Variants in ACVR2A observed in about 807,000 individuals in gnomAD.
ACVR2A encodes activin A receptor type 2A.
Under a neutral mutation model 61.4 loss-of-function variants are expected in ACVR2A, and 7 were observed. The ratio of observed to expected loss-of-function variants is 0.11; its 90% confidence interval spans 0.06 to 0.21. The LOEUF is 0.21. Among genes scored for constraint, ACVR2A ranks in the 10% least tolerant of loss-of-function variants. ACVR2A has a pLI of 1.00. For missense variants in ACVR2A, 322 were observed against 621.7 expected, an observed-to-expected ratio of 0.52 and a Z score of 5.13; for synonymous variants, 193 against 208.3, an observed-to-expected ratio of 0.93 and a Z score of 0.63.
At chr2:147,904,891 G>T (rs1449132252) in intron 4 of ACVR2A, among the ~76,000 whole-genome samples, 3 of 151,994 alleles carry the variant, frequency 2.0e-5, no homozygotes, top group African/African-American at 7.2e-5. Flanking sequence ...TATTTAATAT[G>T]CTAATAACAA....
intron 1 of ACVR2A, among the ~76,000 whole-genome samples, chr2:147,882,519 A>G (rs1341413908): frequency 1.3e-5 from 2 of 152,170 alleles, no homozygotes; most frequent in East Asian, 3.9e-4. Flanking sequence ...GGGCCACTGC[A>G]CTCCAGCCTG....
rs1001187743 is a variant in ACVR2A at position 147,929,690 on chromosome 2, A to G, written c.*2416A>G. 4 of 152,350 alleles carry G rather than the reference A, an allele frequency of 2.6e-5. No homozygotes were observed. Among genetic ancestry groups the G allele is most frequent in the African/African-American group, 9.7e-5 (4 of 41,362 alleles). 9.4% of individuals were successfully genotyped at this position (152,350 alleles called of 1,614,324 possible). On this transcript the variant is annotated 3_prime_UTR_variant, in exon 11 of 11. Transcript: ENST00000241416. Reference sequence around the variant, plus strand: ...TTAGTGTTTGGTTTACAGTCAGTGCAGAGTGGGCAAGTTAACAGAAAGTTT... The same window carrying G: ...TTAGTGTTTGGTTTACAGTCAGTGCGGAGTGGGCAAGTTAACAGAAAGTTT...
chr2:147,898,096 C>A (rs1159682098), intron 2 of ACVR2A: 1 of 152,180 alleles, frequency 6.6e-6, no homozygotes, highest in African/African-American at 2.4e-5. Context: ...GCCATTTTCA[C>A]TGGAGTCTGC....
chr2:147,845,299 A>T, intron 1 of ACVR2A, 92 bp downstream of exon 1: 1 of 1,129,652 alleles, frequency 8.9e-7, no homozygotes, highest in African/African-American at 1.7e-5. Context: ...CGGAGAGTCC[A>T]GTGGAGCCTG....
At chr2:147,913,173 CAT>C (rs564373071) in intron 4 of ACVR2A, among the ~76,000 whole-genome samples, 14 of 151,670 alleles carry the variant, frequency 9.2e-5, no homozygotes, top group Admixed American at 8.6e-4. Context: ...GAATTGCTGA[CAT>C]ATTAATTGTG....
rs1270181070 is a variant in ACVR2A at position 147,899,567 on chromosome 2, C to A, written c.373C>A (p.Pro125Thr). Residue 125 changes from proline to threonine, a missense_variant and splice_region_variant, in exon 3 of 11, where the codon CCC (proline) becomes ACC (threonine). This residue lies in a region of ACVR2A where 142 missense variants were observed against 200.3 expected (regional missense o/e 0.71). Transcript: ENST00000241416. Reference protein sequence around the residue: ...SYFPEMEVTQPTSNPVTPKPP... With the variant: ...SYFPEMEVTQTTSNPVTPKPP... ...TTTTCCGGAGATGGAAGTCACACAG[C>A]GTAAGTTCACAGGGAAAATACGTAG... 1 of 1,610,198 alleles carries A rather than the reference C, an allele frequency of 6.2e-7. No homozygotes were observed.
At chr2:147,875,025 A>G (rs989305508) in intron 1 of ACVR2A, among the ~76,000 whole-genome samples, 1 of 152,062 alleles carries the variant, frequency 6.6e-6, no homozygotes, top group African/African-American at 2.4e-5. Context: ...TTTCATCCAC[A>G]TTTAATTTTT....
intron 1 of ACVR2A, among the ~76,000 whole-genome samples, chr2:147,884,357 G>A (rs1686379931): frequency 6.6e-6 from 1 of 151,984 alleles, no homozygotes; most frequent in Non-Finnish European, 1.5e-5. Flanking sequence ...CCAGAGAACT[G>A]CATGGAACTA....
chr2:147,914,803 G>A (rs1409990339), intron 4 of ACVR2A, among the ~76,000 whole-genome samples: 1 of 151,926 alleles, frequency 6.6e-6, no homozygotes, highest in Non-Finnish European at 1.5e-5. Flanking sequence ...ATAATTTGCT[G>A]TTTCTGGCAC....
In ACVR2A at chr2:147,900,023, G is replaced by A. The variant is rs1686834370; in HGVS notation, c.528+125G>A. 8.4e-6 allele frequency: 9 copies of A among 1,076,178 alleles called. No homozygotes were observed. In the South Asian group the frequency reaches 1.3e-4, roughly 16 times the overall value. 66.7% of individuals were successfully genotyped at this position (1,076,178 alleles called of 1,614,324 possible). On this transcript the variant is annotated intron_variant, in intron 4 of 10. Coordinates refer to ENST00000241416, the MANE Select transcript of ACVR2A (RefSeq NM_001616.5). ...TGGAGTTAATTTTTGAATGTTTATT[G>A]TCATGAGAACTCTAGCTAACTTTGC... is the stretch of plus-strand genomic sequence containing the variant.
chr2:147,879,044 T>C (rs1324880565), intron 1 of ACVR2A, among the ~76,000 whole-genome samples: 3 of 152,350 alleles, frequency 2.0e-5, no homozygotes, highest in South Asian at 4.1e-4. Context: ...ATGGTAAATG[T>C]ATGTTTTTCA....
intron 1 of ACVR2A, among the ~76,000 whole-genome samples, chr2:147,847,971 C>T (rs974143580): frequency 1.8e-4 from 27 of 152,066 alleles, no homozygotes; most frequent in African/African-American, 6.0e-4. Flanking sequence ...GTTGAGAATT[C>T]CTTTGGATTT....
chr2:147,906,238 A>C (rs936966866), intron 4 of ACVR2A, among the ~76,000 whole-genome samples: 8 of 152,238 alleles, frequency 5.3e-5, no homozygotes, highest in African/African-American at 1.9e-4. Context: ...TGTTAGCTAA[A>C]GCTGCTTGTA....
rs530720657 is a variant in ACVR2A, at chr2:147,866,959, A to C, written c.55+21752A>C. Among the ~76,000 whole-genome samples the C allele has an allele frequency of 1.3e-5, 2 of 152,314 alleles. 1 individual carries two copies. The highest frequency in any genetic ancestry group is 4.1e-4 in the South Asian group (2 of 4,828). Reference sequence around the variant, plus strand: ...CTCTGGGGAATGCTGTCATTTTCAGAGCAGGGAGAGAAGTTAAGGAAGAGC... The same window carrying C: ...CTCTGGGGAATGCTGTCATTTTCAGCGCAGGGAGAGAAGTTAAGGAAGAGC... On this transcript the variant is annotated intron_variant, in intron 1 of 10. Transcript: ENST00000241416.
At chr2:147,887,326 A>C (rs1046337510) in intron 1 of ACVR2A, among the ~76,000 whole-genome samples, 1 of 152,248 alleles carries the variant, frequency 6.6e-6, no homozygotes, top group Non-Finnish European at 1.5e-5. Flanking sequence ...AGCTACATCC[A>C]GATATTTTTT....
At chr2:147,880,509 C>G (rs185190099) in intron 1 of ACVR2A, among the ~76,000 whole-genome samples, 1 of 152,136 alleles carries the variant, frequency 6.6e-6, no homozygotes, top group Non-Finnish European at 1.5e-5. Context: ...TACTTGAAAT[C>G]CTCTGTCTTT....
chr2:147,905,753 A>G (rs1181765309), intron 4 of ACVR2A, among the ~76,000 whole-genome samples: 1 of 152,110 alleles, frequency 6.6e-6, no homozygotes, highest in Non-Finnish European at 1.5e-5. Flanking sequence ...GACAAAAAAA[A>G]TTACTCTCAT....
At chr2:147,888,214 A>T (rs931022905) in intron 1 of ACVR2A, among the ~76,000 whole-genome samples, 1 of 152,060 alleles carries the variant, frequency 6.6e-6, no homozygotes, top group Admixed American at 6.6e-5. Flanking sequence ...TGTCTTTATT[A>T]TTGCAGTTAC....
chr2:147,893,382 C>T (rs568087251), intron 1 of ACVR2A, among the ~76,000 whole-genome samples: 8 of 152,274 alleles, frequency 5.3e-5, no homozygotes, highest in African/African-American at 1.7e-4. Flanking sequence ...TTTTATCTCA[C>T]GTAGATACCT....
Sources: allele counts gnomAD v4.1 joint callset (sites outside exome capture counted in the v4.1 genomes callset), GRCh38; gene constraint gnomAD v4.1.1; regional missense constraint gnomAD v4.1.1; transcripts MANE v1.5; gene names NCBI Gene and HGNC (gene_info 2026-07-23, HGNC 2026-07-21).